Variants in MSRA observed in about 807,000 individuals in gnomAD.
MSRA encodes methionine sulfoxide reductase A.
Under a neutral mutation model 31.3 loss-of-function variants are expected in MSRA, and 54 were observed. The ratio of observed to expected loss-of-function variants is 1.73; its 90% CI spans 1.39 to 2.17. The LOEUF is 2.17. Ranked by LOEUF, MSRA falls within the 30% of genes most tolerant of loss-of-function variation. The pLI, the probability that MSRA is intolerant of heterozygous loss-of-function variation, is 0.00. For missense variants in MSRA, 507 were observed against 300.9 expected (o/e 1.69, Z -5.07); for synonymous variants, 169 against 116.5 (o/e 1.45, Z -2.90).
In MSRA at chr8:10,350,311, GCTTGCA is replaced by G. The variant is rs1167881849; in HGVS notation, c.543+30325_543+30330del. Among the ~76,000 whole-genome samples, 9 of 152,362 alleles carry G rather than the reference GCTTGCA, an allele frequency of 5.9e-5. No homozygotes were observed. The East Asian group carries it at 1.4e-3, about 23-fold the overall frequency. ...TGTTTTATACTCACAGCGCTTCACA[GCTTGCA>G]CTAGCCATGTTCCAAGTCTTCGGCC... On this transcript the variant is annotated intron_variant, in intron 5 of 5. Coordinates refer to ENST00000317173, the MANE Select transcript of MSRA (RefSeq NM_012331.5).
chr8:10,328,598 G>A (rs1239744110), intron 5 of MSRA, among the ~76,000 whole-genome samples: 1 of 152,024 alleles, frequency 6.6e-6, no homozygotes, highest in Non-Finnish European at 1.5e-5. Context: ...CATCTCTACT[G>A]TATGTGGAAT....
chr8:10,145,283 C>G (rs887452705), intron 1 of MSRA, among the ~76,000 whole-genome samples: 1 of 151,956 alleles, frequency 6.6e-6, no homozygotes, highest in African/African-American at 2.4e-5. Flanking sequence ...ATAATTCATA[C>G]GAAGAATAGC....
intron 1 of MSRA, among the ~76,000 whole-genome samples, chr8:10,176,804 C>T (rs1213326783): frequency 6.6e-6 from 1 of 152,196 alleles, no homozygotes; most frequent in African/African-American, 2.4e-5. Flanking sequence ...GGGCTCCTGC[C>T]ATCACTCTCA....
intron 5 of MSRA, among the ~76,000 whole-genome samples, chr8:10,321,663 C>T (rs1585463910): frequency 2.6e-5 from 4 of 152,184 alleles, no homozygotes; most frequent in Non-Finnish European, 4.4e-5. Context: ...AAGATTGTGG[C>T]TCGTATTGTG....
rs543360889 is a variant in MSRA, at chr8:10,189,654, A to G, written c.143-18179A>G. ...TAAATGACATTAATTGAATTTTTTCATTGTTAAAACAACTTTGAATTCCTT... is the reference window on the plus strand; with the variant it reads ...TAAATGACATTAATTGAATTTTTTCGTTGTTAAAACAACTTTGAATTCCTT... On this transcript the variant is annotated intron_variant, in intron 1 of 5. Coordinates refer to ENST00000317173, the MANE Select transcript of MSRA (RefSeq NM_012331.5). 2.0e-4 allele frequency among the ~76,000 whole-genome samples: 31 copies of G among 152,138 alleles called. No homozygotes were observed. In the South Asian group the frequency reaches 6.4e-3, roughly 32 times the overall value.
intron 1 of MSRA, among the ~76,000 whole-genome samples, chr8:10,134,052 C>G (rs539907668): frequency 6.6e-6 from 1 of 152,056 alleles, no homozygotes; most frequent in Non-Finnish European, 1.5e-5. Flanking sequence ...CCTGGTCTCC[C>G]AACTCCTGAC....
intron 1 of MSRA, among the ~76,000 whole-genome samples, chr8:10,148,615 T>A (rs1056133088): frequency 6.6e-6 from 1 of 151,236 alleles, no homozygotes; most frequent in Non-Finnish European, 1.5e-5. Flanking sequence ...CCATTGCACT[T>A]CAGCCTGGGC....
chr8:10,307,757 G>A (rs535958712), intron 4 of MSRA, among the ~76,000 whole-genome samples: 1 of 152,224 alleles, frequency 6.6e-6, no homozygotes, highest in Non-Finnish European at 1.5e-5. Flanking sequence ...TATACTCCTT[G>A]GGGAGCAGTG....
chr8:10,063,273 C>G (rs1236749454), intron 1 of MSRA, among the ~76,000 whole-genome samples: 1 of 152,168 alleles, frequency 6.6e-6, no homozygotes, highest in African/African-American at 2.4e-5. Flanking sequence ...CTTCATTGGT[C>G]TCTGATCTGT....
At chr8:10,136,884 G>C (rs1352380819) in intron 1 of MSRA, among the ~76,000 whole-genome samples, 1 of 152,144 alleles carries the variant, frequency 6.6e-6, no homozygotes, top group Admixed American at 6.5e-5. Context: ...CCACATCCCT[G>C]TACTCAGTGT....
chr8:10,076,940 C>T (rs1798022604), intron 1 of MSRA, among the ~76,000 whole-genome samples: 1 of 151,170 alleles, frequency 6.6e-6, no homozygotes, highest in Non-Finnish European at 1.5e-5. Flanking sequence ...CTAATGCCTG[C>T]TGGGCTTAAT....
chr8:10,150,313 A>G (rs981255373), intron 1 of MSRA, among the ~76,000 whole-genome samples: 3 of 152,054 alleles, frequency 2.0e-5, no homozygotes, highest in African/African-American at 7.2e-5. Flanking sequence ...GACCAACACA[A>G]CTCGAGAGAG....
chr8:10,194,485 G>C lies in MSRA; in HGVS notation c.143-13348G>C, dbSNP rs146917063. 6.6e-3 allele frequency among the ~76,000 whole-genome samples: 1,009 copies of C among 152,302 alleles called. 21 individuals carry two copies. Among genetic ancestry groups the C allele is most frequent in the African/African-American group, 0.023 (939 of 41,568 alleles). ...GGAGGCTGAGGCAGGAAAATGGCTT[G>C]AACCTGGGAGGCAGAGGTTGCGGTG... On this transcript the variant is annotated intron_variant, in intron 1 of 5. Coordinates refer to ENST00000317173, the MANE Select transcript of MSRA (RefSeq NM_012331.5).
At position 10,428,580 on chromosome 8, in the gene MSRA, G is replaced by A. The variant is rs1809348576; in HGVS notation, c.*268G>A. 4.9e-6 allele frequency: 2 copies of A among 411,200 alleles called. No homozygotes were observed. The highest frequency in any genetic ancestry group is 8.8e-6 in the Non-Finnish European group (2 of 228,000). 25.5% of individuals were successfully genotyped at this position (411,200 alleles called of 1,614,324 possible). On this transcript the variant is annotated 3_prime_UTR_variant, in exon 6 of 6. Coordinates refer to ENST00000317173, the MANE Select transcript of MSRA (RefSeq NM_012331.5). ...TGAGTGAAGATAGCAGGGATGCTGT[G>A]TTCACCCTTCTTGGTAGAAGCTAAG...
intron 1 of MSRA, among the ~76,000 whole-genome samples, chr8:10,110,952 T>A (rs965488533): frequency 6.6e-6 from 1 of 152,160 alleles, no homozygotes; most frequent in Non-Finnish European, 1.5e-5. Flanking sequence ...GCAATTTCTT[T>A]ATTGTGGAGT....
chr8:10,271,472 C>T (rs1448808466), intron 3 of MSRA, among the ~76,000 whole-genome samples: 1 of 152,232 alleles, frequency 6.6e-6, no homozygotes, highest in Non-Finnish European at 1.5e-5. Context: ...CTTTAAAAAA[C>T]TTTTTTAGGG....
chr8:10,389,997 G>A (rs1017638747), intron 5 of MSRA, among the ~76,000 whole-genome samples: 2 of 152,018 alleles, frequency 1.3e-5, no homozygotes, highest in African/African-American at 4.8e-5. Context: ...CCTTCTGCAG[G>A]TACCAGGTCA....
At chr8:10,126,828 G>C (rs960365912) in intron 1 of MSRA, among the ~76,000 whole-genome samples, 2 of 152,192 alleles carry the variant, frequency 1.3e-5, no homozygotes, top group African/African-American at 2.4e-5. Context: ...TTTTCATAAG[G>C]AGTGCACACG....
At chr8:10,196,670 C>T (rs1808017410) in intron 1 of MSRA, among the ~76,000 whole-genome samples, 1 of 152,294 alleles carries the variant, frequency 6.6e-6, no homozygotes, top group South Asian at 2.1e-4. Context: ...CTGCCTCACC[C>T]TCCCGAGTAG....
Sources: allele counts gnomAD v4.1 joint callset (sites outside exome capture counted in the v4.1 genomes callset), GRCh38; gene constraint gnomAD v4.1.1; transcripts MANE v1.5; gene names NCBI Gene and HGNC (gene_info 2026-07-23, HGNC 2026-07-21).